Variants in PALD1 observed in about 807,000 individuals in gnomAD.
The protein encoded by PALD1 is paladin.
A neutral mutation model predicts 96.0 loss-of-function variants in PALD1; 57 were observed. That is an observed-to-expected ratio of 0.59 (90% CI 0.48 to 0.74). PALD1 has a LOEUF of 0.74. PALD1 is among the 30% of genes least tolerant of loss of function. The probability of loss-of-function intolerance (pLI) is 0.00; values close to 1 mark genes in which losing one functional copy is unlikely to be tolerated. For synonymous variants in PALD1, 464 were observed against 473.6 expected, an observed-to-expected ratio of 0.98 and a Z score of 0.26; for missense variants, 1,063 against 1,143.7, an observed-to-expected ratio of 0.93 and a Z score of 1.02.
intron 1 of PALD1, among the ~76,000 whole-genome samples, chr10:70,483,753 C>T (rs1219368525): frequency 2.0e-5 from 3 of 152,234 alleles, no homozygotes; most frequent in Admixed American, 6.5e-5. Context: ...GACTTCTCCT[C>T]CCCTTTTCCT....
intron 17 of PALD1, among the ~76,000 whole-genome samples, chr10:70,544,239 G>A (rs1277590889): frequency 6.6e-6 from 1 of 152,142 alleles, no homozygotes; most frequent in African/African-American, 2.4e-5. Context: ...TTGGTGAGGA[G>A]GGGAGTGTCT....
chr10:70,526,199 G>T, intron 2 of PALD1, 63 bp downstream of exon 2: 2 of 1,413,322 alleles, frequency 1.4e-6, no homozygotes, highest in Non-Finnish European at 2.0e-6. Context: ...GGACCTGCTT[G>T]GGGGTGCAGT....
chr10:70,529,595 T>C (rs1344179760), intron 3 of PALD1, among the ~76,000 whole-genome samples: 1 of 152,104 alleles, frequency 6.6e-6, no homozygotes, highest in African/African-American at 2.4e-5. Flanking sequence ...CTCTCCCTGC[T>C]CTTTCCTCCA....
chr10:70,513,216 C>T (rs115714834), intron 1 of PALD1, among the ~76,000 whole-genome samples: 1,542 of 152,198 alleles, frequency 0.01, 29 homozygotes, highest in African/African-American at 0.035. Flanking sequence ...AAGAGTTCGC[C>T]GGGTGCGGTG....
chr10:70,545,500 C>G (rs1176318371), intron 17 of PALD1, among the ~76,000 whole-genome samples: 1 of 151,918 alleles, frequency 6.6e-6, no homozygotes, highest in African/African-American at 2.4e-5. Context: ...GAACTCAGCA[C>G]AGGGTGGCTG....
intron 2 of PALD1, among the ~76,000 whole-genome samples, chr10:70,526,580 G>A (rs2132354026): frequency 6.6e-6 from 1 of 152,320 alleles, no homozygotes; most frequent in South Asian, 2.1e-4. Context: ...CTAGTTGGCT[G>A]TCCTAATGAT....
At chr10:70,461,812 A>G in the PALD1 span, among the ~76,000 whole-genome samples, 1 of 152,058 alleles carries the variant, frequency 6.6e-6, no homozygotes, top group Non-Finnish European at 1.5e-5. Context: ...TTCATTTTTG[A>G]GGCAGGGTCT....
chr10:70,488,633 G>C (rs1846049437), intron 1 of PALD1, among the ~76,000 whole-genome samples: 1 of 152,158 alleles, frequency 6.6e-6, no homozygotes. Flanking sequence ...GTCCATGGCT[G>C]TGGGGCCTGC....
Position 70,539,867 on chromosome 10 carries a change from C to A in PALD1, c.1908+105C>A. On this transcript the variant is annotated intron_variant, in intron 15 of 19. Transcript: ENST00000263563. The surrounding 1 kb of genome is among the most constrained non-coding windows in gnomAD (Gnocchi z 4.5). Reference sequence around the variant, plus strand: ...GAATGAAACGACCCCAGCTTCTCTACGGGGCCCGGGAATGGTCTCACGAGG... The same window carrying A: ...GAATGAAACGACCCCAGCTTCTCTAAGGGGCCCGGGAATGGTCTCACGAGG... The A allele has an allele frequency of 9.9e-7, 1 of 1,008,130 alleles. No homozygotes were observed. The highest frequency in any genetic ancestry group is 1.5e-6 in the Non-Finnish European group (1 of 687,866). 62.4% of individuals were successfully genotyped at this position (1,008,130 alleles called of 1,614,324 possible).
At chr10:70,535,589 T>C (rs1422931202) in intron 10 of PALD1, among the ~76,000 whole-genome samples, 1 of 143,814 alleles carries the variant, frequency 7.0e-6, no homozygotes, top group Non-Finnish European at 1.5e-5. Flanking sequence ...TCCTTCTTCC[T>C]CCTTCCTTCT....
In PALD1 at chr10:70,532,573, G is replaced by T. The variant is rs568396036; in HGVS notation, c.634-48G>T. On this transcript the variant is annotated intron_variant, in intron 5 of 19. Coordinates refer to ENST00000263563, the MANE Select transcript of PALD1 (RefSeq NM_014431.3). ...AGCTCAGCCAGGACACTCAGGGAGGGTCTTGAAGTTCAGGCCATGGCCCTC... is the reference window on the plus strand; with the variant it reads ...AGCTCAGCCAGGACACTCAGGGAGGTTCTTGAAGTTCAGGCCATGGCCCTC... The T allele has an allele frequency of 1.8e-5, 28 of 1,589,550 alleles. No individual in the cohort carries two copies. The South Asian group carries it at 2.8e-4, about 16-fold the overall frequency.
chr10:70,523,041 C>T (rs928037435), intron 1 of PALD1, among the ~76,000 whole-genome samples: 1 of 152,220 alleles, frequency 6.6e-6, no homozygotes, highest in Non-Finnish European at 1.5e-5. Context: ...GGTTGCACCC[C>T]CCTCTAGATA....
rs1188589818 is a variant in PALD1, at chr10:70,567,531, G to C, written c.*798G>C. On this transcript the variant is annotated 3_prime_UTR_variant, in exon 20 of 20. Coordinates refer to ENST00000263563, the MANE Select transcript of PALD1 (RefSeq NM_014431.3). ...GGCACAGAGGAAGCCAAGGCCTGGA[G>C]CTGCAGGTCCCCCGGCATCTCTCTC... 1 of 152,946 alleles carries C rather than the reference G, an allele frequency of 6.5e-6. No homozygotes were observed. Among genetic ancestry groups the C allele is most frequent in the African/African-American group, 2.4e-5 (1 of 41,460 alleles). The allele number at this position is 152,946 out of a possible 1,614,324, so 9.5% of individuals were successfully genotyped here.
rs146346855 is a variant in PALD1 at position 70,566,653 on chromosome 10, C to G, written c.2491C>G (p.Gln831Glu). The G allele has an allele frequency of 3.7e-6, 6 of 1,609,400 alleles. No homozygotes were observed. Among genetic ancestry groups the G allele is most frequent in the African/African-American group, 1.3e-5 (1 of 74,804 alleles). ...GFPELESGED[Q>E]PFSRLRYRWQ... ...CCCCGAGCTGGAGAGCGGGGAGGAC[C>G]AGCCCTTCTCCAGGCTGCGCTACCG... is the stretch of plus-strand genomic sequence containing the variant. Residue 831 changes from glutamine (Q) to glutamate (E), a missense_variant, in exon 20 of 20, where the codon CAG (glutamine) becomes GAG (glutamate). Transcript: ENST00000263563.
chr10:70,492,510 G>A (rs1447366614), intron 1 of PALD1, among the ~76,000 whole-genome samples: 1 of 133,044 alleles, frequency 7.5e-6, no homozygotes, highest in Non-Finnish European at 1.5e-5. Context: ...AGGCTGGAGT[G>A]CAGTGGCGCA....
At position 70,533,029 on chromosome 10, in the gene PALD1, C is replaced by G; in HGVS notation, c.829C>G (p.Pro277Ala). Residue 277 changes from proline (P) to alanine (A), a missense_variant, in exon 7 of 20, where the codon CCC becomes GCC. By Grantham distance (27) the Pro-to-Ala change is conservative. Coordinates refer to ENST00000263563, the MANE Select transcript of PALD1 (RefSeq NM_014431.3). ...HRLPLPEQGS[P>A]LEAQLDAFVS... ...CCTGCCCCTGCCCGAGCAAGGGAGT[C>G]CCCTGGAGGCCCAGTTGGACGCCTT... The G allele has an allele frequency of 6.3e-7, 1 of 1,586,298 alleles. No individual in the cohort carries two copies. Among genetic ancestry groups the G allele is most frequent in the African/African-American group, 1.3e-5 (1 of 74,482 alleles).
the PALD1 span, among the ~76,000 whole-genome samples, chr10:70,465,677 A>T: frequency 6.6e-6 from 1 of 152,120 alleles, no homozygotes; most frequent in African/African-American, 2.4e-5. Context: ...CCTCCAAGAC[A>T]TCACGCTGCC....
At chr10:70,498,923 T>C (rs1188047289) in intron 1 of PALD1, among the ~76,000 whole-genome samples, 2 of 136,512 alleles carry the variant, frequency 1.5e-5, no homozygotes, top group Non-Finnish European at 3.2e-5. Flanking sequence ...AGCAAAACTT[T>C]ATCTCAGAAA....
intron 1 of PALD1, among the ~76,000 whole-genome samples, chr10:70,508,797 G>GTGTGTGTGTGTA: frequency 7.1e-6 from 1 of 140,120 alleles, no homozygotes; most frequent in Admixed American, 7.2e-5. Context: ...GTGTGTGTGT[G>GTGTGTGTGTGTA]TGTGTGTGTG....
Sources: gnomAD v4.1 joint callset for allele counts (sites outside exome capture counted in the v4.1 genomes callset) on GRCh38, gnomAD v4.1.1 for gene constraint, Gnocchi (gnomAD v3.1) non-coding constraint, MANE v1.5 for transcripts, NCBI Gene and HGNC (gene_info 2026-07-23, HGNC 2026-07-21) for gene names.